The following THSD7B variants were observed in gnomAD, a reference collection of about 807,000 sequenced individuals.
THSD7B encodes the protein thrombospondin type-1 domain-containing protein 7B.
THSD7B carries 138 observed loss-of-function variants against 213.6 expected under a neutral mutation model. The observed-to-expected ratio is 0.65, with a 90% CI of 0.56 to 0.74. The LOEUF (loss-of-function observed/expected upper bound fraction) is 0.74. Ranked by LOEUF, THSD7B falls within the 30% of genes least tolerant of loss-of-function variation. THSD7B has a pLI of 0.00. For synonymous variants in THSD7B, 742 were observed against 687.0 expected, an observed-to-expected ratio of 1.08 and a Z score of -1.25; for missense variants, 1,931 against 1,991.5, an observed-to-expected ratio of 0.97 and a Z score of 0.58.
rs554810031 is a variant in THSD7B at position 137,073,415 on chromosome 2, A to T, written c.950+16185A>T. Among the ~76,000 whole-genome samples, 8 of 152,204 alleles carry T rather than the reference A, an allele frequency of 5.3e-5. No homozygotes were observed. The South Asian group carries it at 1.7e-3, about 32-fold the overall frequency. On this transcript the variant is annotated intron_variant, in intron 3 of 27. Transcript: ENST00000409968. ...GTAGAGGTGTTTATAGTATTCTCTG[A>T]TGGTAGTTTGTATTTCTGTGGGATC...
At chr2:137,669,231 A>C (rs918921332) in intron 27 of THSD7B, among the ~76,000 whole-genome samples, 1 of 152,128 alleles carries the variant, frequency 6.6e-6, no homozygotes, top group African/African-American at 2.4e-5. Context: ...TATTAACCTC[A>C]AGTTCTGTTT....
At chr2:136,871,576 A>G (rs1683432757) in intron 1 of THSD7B, among the ~76,000 whole-genome samples, 1 of 152,158 alleles carries the variant, frequency 6.6e-6, no homozygotes. Context: ...TAAAGAGATG[A>G]TCCCATGAGG....
chr2:137,400,880 G>A (rs188807006), intron 12 of THSD7B, among the ~76,000 whole-genome samples: 1 of 152,290 alleles, frequency 6.6e-6, no homozygotes, highest in East Asian at 1.9e-4. Flanking sequence ...GGTGGAGCTA[G>A]ATAGTGCAAG....
At chr2:137,078,170 G>A (rs1037857786) in intron 3 of THSD7B, among the ~76,000 whole-genome samples, 4 of 152,230 alleles carry the variant, frequency 2.6e-5, no homozygotes, top group African/African-American at 9.6e-5. Context: ...GCTCTGTTCT[G>A]TTCCATTGAT....
chr2:137,633,780 G>T lies in THSD7B; in HGVS notation c.3800-8708G>T, dbSNP rs79608391. ...GAAAGCAGGATAAGGAAGAGAAAAA[G>T]CTAAGCAAGAACATATGATATCATT... On this transcript the variant is annotated intron_variant, in intron 20 of 27. Coordinates refer to ENST00000409968, the MANE Select transcript of THSD7B (RefSeq NM_001316349.2). Among the ~76,000 whole-genome samples the T allele has an allele frequency of 2.7e-3, 418 of 152,156 alleles. 5 individuals are homozygous for T. The highest frequency in any genetic ancestry group is 9.7e-3 in the African/African-American group (404 of 41,528).
At position 136,882,287 on chromosome 2, in the gene THSD7B, A is replaced by C. The variant is rs777564403; in HGVS notation, c.109A>C (p.Lys37Gln). 51 of 1,542,346 alleles carry C rather than the reference A, an allele frequency of 3.3e-5. No individual in the cohort carries two copies. The highest frequency in any genetic ancestry group is 4.5e-5 in the Non-Finnish European group (51 of 1,143,574). The change falls in exon 2 of 28, where the codon AAA becomes CAA. Residue 37 changes from lysine to glutamine, a missense_variant. Physicochemically the swap from Lys to Gln is moderately conservative, Grantham distance 53. Coordinates refer to ENST00000409968, the MANE Select transcript of THSD7B (RefSeq NM_001316349.2). The stretch of plus-strand genomic sequence containing the variant: ...GTCCCATGCAGCTCATTTGGAAGGC[A>C]AAAAGGATAATCAGTTCATCTGGAA... ...LLSHAAHLEG[K>Q]KDNQFIWKPG...
At chr2:136,832,204 T>TAC (rs1558819871) in intron 1 of THSD7B, among the ~76,000 whole-genome samples, 9 of 150,754 alleles carry the variant, frequency 6.0e-5, no homozygotes, top group Middle Eastern at 3.4e-3. Flanking sequence ...TGTGTGTGTA[T>TAC]ACACACACAC....
intron 4 of THSD7B, among the ~76,000 whole-genome samples, chr2:137,103,228 A>G (rs1218269214): frequency 6.6e-6 from 1 of 152,162 alleles, no homozygotes; most frequent in Non-Finnish European, 1.5e-5. Context: ...GTGGGGGCCA[A>G]TATTCAACAT....
intron 1 of THSD7B, among the ~76,000 whole-genome samples, chr2:136,841,174 G>A (rs944121851): frequency 1.3e-5 from 2 of 152,176 alleles, no homozygotes; most frequent in Non-Finnish European, 2.9e-5. Context: ...AAGTTTTACA[G>A]TGGGAAATAT....
intron 20 of THSD7B, among the ~76,000 whole-genome samples, chr2:137,628,435 GA>G (rs1301889201): frequency 6.6e-6 from 1 of 152,072 alleles, no homozygotes; most frequent in Admixed American, 6.5e-5. Context: ...AGCACTGGGG[GA>G]AAAAAGGCAA....
chr2:137,359,979 A>T (rs1685216675), intron 12 of THSD7B, among the ~76,000 whole-genome samples: 1 of 152,238 alleles, frequency 6.6e-6, no homozygotes, highest in Non-Finnish European at 1.5e-5. Flanking sequence ...ATCCAATCAT[A>T]GGAATAAAAG....
chr2:137,389,659 A>T (rs1685976742), intron 12 of THSD7B, among the ~76,000 whole-genome samples: 1 of 151,554 alleles, frequency 6.6e-6, no homozygotes, highest in Non-Finnish European at 1.5e-5. Context: ...CAATGTCCAG[A>T]AAAGTTTTCC....
intron 12 of THSD7B, among the ~76,000 whole-genome samples, chr2:137,326,722 G>T (rs1453330976): frequency 2.6e-5 from 4 of 152,096 alleles, no homozygotes; most frequent in Non-Finnish European, 4.4e-5. Flanking sequence ...ATAAATAGAA[G>T]ATGCTGGAAT....
chr2:136,888,987 G>A (rs1328878675), intron 2 of THSD7B, among the ~76,000 whole-genome samples: 1 of 151,758 alleles, frequency 6.6e-6, no homozygotes, highest in Non-Finnish European at 1.5e-5. Flanking sequence ...GTGTGTACAT[G>A]TATTTAGGGG....
At chr2:136,988,183 T>C (rs528758340) in intron 2 of THSD7B, among the ~76,000 whole-genome samples, 1 of 152,298 alleles carries the variant, frequency 6.6e-6, no homozygotes, top group South Asian at 2.1e-4. Flanking sequence ...CAATCACTAA[T>C]GTGCTTTAGG....
intron 2 of THSD7B, among the ~76,000 whole-genome samples, chr2:136,980,176 C>T (rs1558875079): frequency 6.6e-6 from 1 of 152,112 alleles, no homozygotes. Context: ...GCTGGAAGGC[C>T]ACAGCTCTCC....
At chr2:137,465,304 G>T (rs1173196492) in intron 15 of THSD7B, among the ~76,000 whole-genome samples, 16 of 151,596 alleles carry the variant, frequency 1.1e-4, no homozygotes, top group Non-Finnish European at 2.1e-4. Context: ...CAGGACAATT[G>T]AATACTAGAA....
At chr2:137,544,240 G>C (rs1420739579) in intron 15 of THSD7B, among the ~76,000 whole-genome samples, 2 of 151,672 alleles carry the variant, frequency 1.3e-5, no homozygotes, top group Non-Finnish European at 3.0e-5. Context: ...ACAAAATGTA[G>C]TACGTTCACA....
intron 2 of THSD7B, among the ~76,000 whole-genome samples, chr2:137,049,984 T>C (rs1687039815): frequency 6.6e-6 from 1 of 152,140 alleles, no homozygotes; most frequent in African/African-American, 2.4e-5. Context: ...AATCACTGGA[T>C]TGGGTGTGTG....
Sources: gnomAD v4.1 joint callset for allele counts (sites outside exome capture counted in the v4.1 genomes callset) on GRCh38, gnomAD v4.1.1 for gene constraint, MANE v1.5 for transcripts, NCBI Gene and HGNC (gene_info 2026-07-23, HGNC 2026-07-21) for gene names.